The following AGGF1 variants were observed in gnomAD, a reference collection of about 807,000 sequenced individuals.
AGGF1 encodes angiogenic factor with G patch and FHA domains 1.
In AGGF1, 56 loss-of-function variants were observed where a neutral mutation model predicts 86.5. The ratio of observed to expected loss-of-function variants is 0.65; its 90% CI spans 0.52 to 0.81. The LOEUF (loss-of-function observed/expected upper bound fraction) is 0.81. Ranked by LOEUF, AGGF1 falls within the 30% of genes least tolerant of loss-of-function variation. AGGF1 has a pLI of 0.00. For missense variants in AGGF1, 816 were observed against 850.9 expected, an observed-to-expected ratio of 0.96 and a Z score of 0.51; for synonymous variants, 313 against 297.1, an observed-to-expected ratio of 1.05 and a Z score of -0.55.
chr5:77,030,731 C>T lies in AGGF1; in HGVS notation c.-36C>T, dbSNP rs1746826337. Reference sequence around the variant, plus strand: ...GCGTCCGTTTCGGCCTGAACGCAGCCCCTCCGCGGCGACGAGCAGTCTCGC... The same window carrying T: ...GCGTCCGTTTCGGCCTGAACGCAGCTCCTCCGCGGCGACGAGCAGTCTCGC... On this transcript the variant is annotated 5_prime_UTR_variant, in exon 1 of 14. Coordinates refer to ENST00000312916, the MANE Select transcript of AGGF1 (RefSeq NM_018046.5). 4.5e-6 allele frequency: 7 copies of T among 1,546,372 alleles called. No individual in the cohort carries two copies. Among genetic ancestry groups the T allele is most frequent in the East Asian group, 2.4e-5 (1 of 42,182 alleles).
chr5:77,057,814 A>G (rs1347195390), intron 11 of AGGF1, among the ~76,000 whole-genome samples: 1 of 152,212 alleles, frequency 6.6e-6, no homozygotes, highest in Non-Finnish European at 1.5e-5. Flanking sequence ...GTTGAAGGAC[A>G]TCCTGTTTCC....
At chr5:77,060,040 C>T (rs1747529337) in intron 12 of AGGF1, among the ~76,000 whole-genome samples, 1 of 152,174 alleles carries the variant, frequency 6.6e-6, no homozygotes, top group Non-Finnish European at 1.5e-5. Context: ...CGGGGTTTCA[C>T]ATGTTGTTGG....
intron 5 of AGGF1, among the ~76,000 whole-genome samples, chr5:77,044,618 A>G (rs996836241): frequency 6.6e-6 from 1 of 152,184 alleles, no homozygotes; most frequent in Non-Finnish European, 1.5e-5. Context: ...TAAATATACA[A>G]GATTGGAAAC....
intron 4 of AGGF1, among the ~76,000 whole-genome samples, chr5:77,038,713 G>A (rs1179442332): frequency 6.6e-6 from 1 of 152,134 alleles, no homozygotes; most frequent in Admixed American, 6.5e-5. Flanking sequence ...GGAAGTTTTA[G>A]TTGCTCAATC....
Position 77,054,046 on chromosome 5 carries a change from C to T in AGGF1, c.1549C>T (p.His517Tyr), listed in dbSNP as rs1429229722. The T allele has an allele frequency of 6.2e-7, 1 of 1,614,152 alleles. No individual in the cohort carries two copies. Among genetic ancestry groups the T allele is most frequent in the Non-Finnish European group, 8.5e-7 (1 of 1,179,996 alleles). ...IGETVLSFHIHPGSDTCDGCE... is the reference protein window; with the variant it reads ...IGETVLSFHIYPGSDTCDGCE... ...AGAAACTGTCTTATCCTTTCACATT[C>T]ATCCTGGCAGTGATACCTGTGATGG... is the stretch of plus-strand genomic sequence containing the variant. The change falls in exon 10 of 14, where the codon CAT (histidine) becomes TAT (tyrosine). Residue 517 changes from histidine (H) to tyrosine (Y), a missense_variant. Physicochemically the swap from His to Tyr is moderately conservative, Grantham distance 83. Transcript: ENST00000312916.
Position 77,046,462 on chromosome 5 carries a change from G to T in AGGF1, c.986G>T (p.Ser329Ile). 1.9e-6 allele frequency: 3 copies of T among 1,613,946 alleles called. No individual in the cohort carries two copies. Among genetic ancestry groups the T allele is most frequent in the East Asian group, 2.2e-5 (1 of 44,854 alleles). The change falls in exon 6 of 14, where the codon AGT (serine) becomes ATT (isoleucine). Residue 329 changes from serine (S) to isoleucine (I), a missense_variant. This residue lies in a region of AGGF1 where 565 missense variants were observed against 585.8 expected (regional missense o/e 0.96). Transcript: ENST00000312916. ...AAAATAGGCATTCATCACAAAAATA[G>T]TCCCCCCAAAGTCACTGTTCCAACT... The part of the protein sequence containing the change: ...KAKIGIHHKN[S>I]PPKVTVPTSG...
chr5:77,038,898 T>G (rs1747010302), intron 4 of AGGF1, among the ~76,000 whole-genome samples: 1 of 152,176 alleles, frequency 6.6e-6, no homozygotes, highest in South Asian at 2.1e-4. Context: ...AATTCATTTA[T>G]GCATGGTTGC....
chr5:77,041,156 C>T (rs1256309523), intron 5 of AGGF1, among the ~76,000 whole-genome samples: 2 of 152,104 alleles, frequency 1.3e-5, no homozygotes, highest in East Asian at 3.9e-4. Flanking sequence ...TTTTTGTGAA[C>T]AATACTTAGG....
chr5:77,038,784 T>C (rs1432658373), intron 4 of AGGF1, among the ~76,000 whole-genome samples: 1 of 152,170 alleles, frequency 6.6e-6, no homozygotes, highest in Non-Finnish European at 1.5e-5. Flanking sequence ...AAATAAAATA[T>C]AGACTGTTCA....
chr5:77,036,519 G>A (rs1244993220), intron 3 of AGGF1, 37 bp from the exon 4 acceptor site: 3 of 1,611,254 alleles, frequency 1.9e-6, no homozygotes, highest in East Asian at 2.2e-5. Flanking sequence ...ATATACAGAA[G>A]CTTTTGTCTT....
intron 11 of AGGF1, among the ~76,000 whole-genome samples, chr5:77,057,335 T>C (rs940730342): frequency 6.6e-6 from 1 of 152,110 alleles, no homozygotes; most frequent in African/African-American, 2.4e-5. Flanking sequence ...AACCAAAAAC[T>C]GAGAAAAACT....
At chr5:77,041,789 A>T (rs6453273) in intron 5 of AGGF1, among the ~76,000 whole-genome samples, 69,454 of 109,318 alleles carry the variant, frequency 0.64, 19,245 homozygotes, top group Non-Finnish European at 0.7. Context: ...AACTTTTTTT[A>T]TTTATTTATT....
At chr5:77,032,283 G>A (rs1413557331) in intron 1 of AGGF1, among the ~76,000 whole-genome samples, 1 of 148,518 alleles carries the variant, frequency 6.7e-6, no homozygotes, top group Non-Finnish European at 1.5e-5. Context: ...AACAGGGAGA[G>A]GTGGCTGGGC....
chr5:77,033,692 T>A (rs1746912076), intron 1 of AGGF1, among the ~76,000 whole-genome samples: 1 of 152,226 alleles, frequency 6.6e-6, no homozygotes, highest in South Asian at 2.1e-4. Flanking sequence ...AAATAAATAT[T>A]TAAAAGCTTG....
intron 1 of AGGF1, 114 bp downstream of exon 1, chr5:77,031,090 A>G (rs2150725219): frequency 1.8e-6 from 2 of 1,126,506 alleles, no homozygotes; most frequent in Non-Finnish European, 2.6e-6. Flanking sequence ...TAGAGTACTT[A>G]AAGTAAATAA....
chr5:77,063,366 T>C lies in AGGF1; in HGVS notation c.*114T>C. 9.0e-7 allele frequency: 1 copy of C among 1,112,238 alleles called. No homozygotes were observed. Among genetic ancestry groups the C allele is most frequent in the Non-Finnish European group, 1.3e-6 (1 of 770,896 alleles). 68.9% of individuals were successfully genotyped at this position (1,112,238 alleles called of 1,614,324 possible). ...GGGAACTATGTCACAGTTTACCTCT[T>C]CCTGATTCAGAAATGTGTATGGTTT... On this transcript the variant is annotated 3_prime_UTR_variant, in exon 14 of 14. Transcript: ENST00000312916.
In AGGF1 at chr5:77,030,477, G is replaced by A. The variant is rs530145807; in HGVS notation, c.-290G>A. 38 of 610,818 alleles carry A rather than the reference G, an allele frequency of 6.2e-5. No homozygotes were observed. The East Asian group carries it at 1.2e-3, about 20-fold the overall frequency. 37.8% of individuals were successfully genotyped at this position (610,818 alleles called of 1,614,324 possible). The stretch of plus-strand genomic sequence containing the variant: ...CTGGTTTTCCGACTGCTTATCCGAC[G>A]CTCCTCCCTCTGTCTCTGTAGCTGG... On this transcript the variant is annotated 5_prime_UTR_variant, in exon 1 of 14. Transcript: ENST00000312916.
At chr5:77,041,392 C>A (rs1284587676) in intron 5 of AGGF1, among the ~76,000 whole-genome samples, 1 of 151,824 alleles carries the variant, frequency 6.6e-6, no homozygotes, top group Non-Finnish European at 1.5e-5. Flanking sequence ...CATGGTGAAT[C>A]CCCGTCTCTA....
intron 1 of AGGF1, among the ~76,000 whole-genome samples, chr5:77,032,096 T>C (rs1455413442): frequency 6.6e-6 from 1 of 152,112 alleles, no homozygotes; most frequent in Non-Finnish European, 1.5e-5. Flanking sequence ...TTCTTTGTTT[T>C]GTTACCAAAT....
Sources: allele counts gnomAD v4.1 joint callset (sites outside exome capture counted in the v4.1 genomes callset), GRCh38; gene constraint gnomAD v4.1.1; regional missense constraint gnomAD v4.1.1; transcripts MANE v1.5; gene names NCBI Gene and HGNC (gene_info 2026-07-23, HGNC 2026-07-21).